Variants in KLB observed in about 807,000 individuals in gnomAD.
The protein encoded by KLB is klotho beta.
A neutral mutation model predicts 88.4 loss-of-function variants in KLB; 44 were observed. That is an observed-to-expected ratio of 0.50 (90% CI 0.39 to 0.64). The LOEUF (loss-of-function observed/expected upper bound fraction) is 0.64, where lower values mean the gene tolerates loss of function less well. Ranked by LOEUF, KLB falls within the 30% of genes least tolerant of loss-of-function variation. The probability of loss-of-function intolerance (pLI) is 0.00; values close to 1 mark genes in which losing one functional copy is unlikely to be tolerated. For synonymous variants in KLB, 548 were observed against 513.4 expected (o/e 1.07, Z -0.91); for missense variants, 1,137 against 1,304.8 (o/e 0.87, Z 1.98).
At chr4:39,432,645 C>T (rs985873128) in intron 1 of KLB, among the ~76,000 whole-genome samples, 1 of 152,084 alleles carries the variant, frequency 6.6e-6, no homozygotes, top group Non-Finnish European at 1.5e-5. Context: ...ATCTCAGTCT[C>T]TCAGCCCAGG....
At chr4:39,431,115 A>G (rs1435550512) in intron 1 of KLB, among the ~76,000 whole-genome samples, 5 of 135,084 alleles carry the variant, frequency 3.7e-5, no homozygotes, top group Admixed American at 7.7e-5. Context: ...TTTTTTGTAG[A>G]TACGGGGTTT....
At chr4:39,425,329 C>G (rs765486275) in intron 1 of KLB, among the ~76,000 whole-genome samples, 5 of 152,238 alleles carry the variant, frequency 3.3e-5, no homozygotes, top group Non-Finnish European at 5.9e-5. Flanking sequence ...AATTCTTTAA[C>G]AGGACATTTG....
chr4:39,431,841 C>A (rs980099329), intron 1 of KLB, among the ~76,000 whole-genome samples: 1 of 152,154 alleles, frequency 6.6e-6, no homozygotes, highest in African/African-American at 2.4e-5. Flanking sequence ...TTGTTCATAT[C>A]TGCTTGTCTT....
chr4:39,448,650 C>G lies in KLB; in HGVS notation c.3099C>G (p.His1033Gln). The G allele has an allele frequency of 1.9e-6, 3 of 1,612,574 alleles. No individual in the cohort carries two copies. In the South Asian group the frequency reaches 3.3e-5, roughly 18 times the overall value. ...RKFWKAKNLQ[H>Q]IPLKKGKRVV... Reference sequence around the variant, plus strand: ...TTTGGAAAGCAAAAAACTTACAACACATACCATTAAAGAAAGGCAAGAGAG... The same window carrying G: ...TTTGGAAAGCAAAAAACTTACAACAGATACCATTAAAGAAAGGCAAGAGAG... The change falls in exon 5 of 5, where the codon CAC (histidine) becomes CAG (glutamine). Residue 1033 changes from histidine to glutamine, a missense_variant. By Grantham distance (24) the His-to-Gln change is conservative. Coordinates refer to ENST00000257408, the MANE Select transcript of KLB (RefSeq NM_175737.4).
chr4:39,439,640 C>G (rs188103311), intron 3 of KLB, among the ~76,000 whole-genome samples: 1 of 150,034 alleles, frequency 6.7e-6, no homozygotes, highest in African/African-American at 2.5e-5. Flanking sequence ...TACAGGCACC[C>G]GCCACCATGC....
chr4:39,433,119 A>G (rs568654496), intron 1 of KLB, among the ~76,000 whole-genome samples: 1 of 152,234 alleles, frequency 6.6e-6, no homozygotes, highest in South Asian at 2.1e-4. Flanking sequence ...ACCTCAGGTG[A>G]TCCGCCTACC....
intron 1 of KLB, among the ~76,000 whole-genome samples, chr4:39,420,768 A>G (rs1743064489): frequency 6.6e-6 from 1 of 152,142 alleles, no homozygotes; most frequent in African/African-American, 2.4e-5. Flanking sequence ...CTCCCACTTC[A>G]GCCTTCTAAA....
intron 1 of KLB, among the ~76,000 whole-genome samples, chr4:39,411,039 C>G (rs1224792897): frequency 6.6e-6 from 1 of 151,776 alleles, no homozygotes; most frequent in Non-Finnish European, 1.5e-5. Context: ...TGAACCAACT[C>G]TAAGTTTTTG....
chr4:39,414,303 A>C (rs1742919955), intron 1 of KLB, among the ~76,000 whole-genome samples: 1 of 95,740 alleles, frequency 1.0e-5, no homozygotes, highest in Admixed American at 9.1e-5. Flanking sequence ...TACTGTTTTT[A>C]GAAAAAAAAA....
At position 39,437,643 on chromosome 4, in the gene KLB, G is replaced by A; in HGVS notation, c.1337-84G>A. 5 of 1,449,498 alleles carry A rather than the reference G, an allele frequency of 3.4e-6. No homozygotes were observed. The South Asian group carries it at 6.9e-5, about 20-fold the overall frequency. 89.8% of individuals were successfully genotyped at this position (1,449,498 alleles called of 1,614,324 possible). ...GCAAAGGTTCGTTTTACAATATGCT[G>A]TCCTCTGGCATGTTAGTGAAATTGT... On this transcript the variant is annotated intron_variant, in intron 2 of 4. Transcript: ENST00000257408.
intron 1 of KLB, among the ~76,000 whole-genome samples, chr4:39,431,634 A>G (rs767511653): frequency 1.3e-5 from 2 of 152,238 alleles, no homozygotes; most frequent in Non-Finnish European, 2.9e-5. Flanking sequence ...GAGTAAGGAC[A>G]AGTGGACAGA....
chr4:39,435,615 G>A (rs558386786), intron 2 of KLB, among the ~76,000 whole-genome samples: 2 of 151,456 alleles, frequency 1.3e-5, no homozygotes, highest in Admixed American at 6.6e-5. Context: ...TAGTAGAGAC[G>A]GGGGTTCAAC....
chr4:39,426,088 TAA>T (rs1743205119), intron 1 of KLB, among the ~76,000 whole-genome samples: 2 of 151,928 alleles, frequency 1.3e-5, no homozygotes, highest in African/African-American at 4.8e-5. Flanking sequence ...CCATCTCTAA[TAA>T]AAATACAGAA....
rs1410463705 is a variant in KLB, at chr4:39,438,064, A to T, written c.1605+69A>T. The T allele has an allele frequency of 8.3e-5, 119 of 1,427,806 alleles. No homozygotes were observed. The African/African-American group carries it at 1.4e-3, about 17-fold the overall frequency. The allele number at this position is 1,427,806 out of a possible 1,614,324, so 88.4% of individuals were successfully genotyped here. A position where few individuals can be genotyped will look rare whatever the true frequency, so the allele number is the denominator to read the frequency against. ...TACACACTATTTCATTTACTCAATG[A>T]CAGCTAAGAGATAGCTGTCAGACAA... On this transcript the variant is annotated intron_variant, in intron 3 of 4. Coordinates refer to ENST00000257408, the MANE Select transcript of KLB (RefSeq NM_175737.4).
intron 2 of KLB, among the ~76,000 whole-genome samples, chr4:39,435,524 C>T (rs377122738): frequency 3.9e-5 from 6 of 152,008 alleles, no homozygotes; most frequent in African/African-American, 1.5e-4. Flanking sequence ...CTCCCAGGTT[C>T]AAGCAATTCT....
Position 39,447,177 on chromosome 4 carries a change from G to A in KLB, c.2451G>A (p.Thr817=), listed in dbSNP as rs1328858951. The change falls in exon 4 of 5, where the codon ACG becomes ACA. Residue 817 remains threonine, a synonymous_variant. Transcript: ENST00000257408. ...TEAERRLLKG[T]VDFCALNHFT... is the part of the protein sequence containing the mutation. ...CCGAAAGGAGGCTGCTCAAGGGCAC[G>A]GTCGACTTCTGCGCGCTCAACCACT... 6.8e-6 allele frequency: 11 copies of A among 1,613,888 alleles called. No homozygotes were observed. The highest frequency in any genetic ancestry group is 7.6e-6 in the Non-Finnish European group (9 of 1,180,046).
chr4:39,442,624 G>T (rs1743636835), intron 3 of KLB, among the ~76,000 whole-genome samples: 1 of 151,950 alleles, frequency 6.6e-6, no homozygotes, highest in African/African-American at 2.4e-5. Flanking sequence ...TAGTAGAGAC[G>T]GGGTTTCACT....
In KLB at chr4:39,438,067, G is replaced by A. The variant is rs1352524943; in HGVS notation, c.1605+72G>A. 101 of 1,383,876 alleles carry A rather than the reference G, an allele frequency of 7.3e-5. No individual in the cohort carries two copies. The African/African-American group carries it at 1.4e-3, about 19-fold the overall frequency. 85.7% of individuals were successfully genotyped at this position (1,383,876 alleles called of 1,614,324 possible). ...ACACTATTTCATTTACTCAATGACA[G>A]CTAAGAGATAGCTGTCAGACAATAT... is the stretch of plus-strand genomic sequence containing the variant. On this transcript the variant is annotated intron_variant, in intron 3 of 4. Coordinates refer to ENST00000257408, the MANE Select transcript of KLB (RefSeq NM_175737.4).
intron 1 of KLB, among the ~76,000 whole-genome samples, chr4:39,433,103 C>T (rs895908875): frequency 6.6e-6 from 1 of 152,154 alleles, no homozygotes; most frequent in Non-Finnish European, 1.5e-5. Flanking sequence ...CGGTCTCAAA[C>T]TCCTGACCTC....
Sources: allele counts gnomAD v4.1 joint callset (sites outside exome capture counted in the v4.1 genomes callset), GRCh38; gene constraint gnomAD v4.1.1; transcripts MANE v1.5; gene names NCBI Gene and HGNC (gene_info 2026-07-23, HGNC 2026-07-21).